Variants in PTGER4 observed in about 807,000 individuals in gnomAD.
PTGER4 encodes prostaglandin E2 receptor EP4 subtype.
A neutral mutation model predicts 33.2 loss-of-function variants in PTGER4; 11 were observed. The ratio of observed to expected loss-of-function variants is 0.33; its 90% CI spans 0.21 to 0.55. The LOEUF (loss-of-function observed/expected upper bound fraction) is 0.55. Among genes scored for constraint, PTGER4 ranks in the 20% least tolerant of loss-of-function variants. PTGER4 has a pLI of 0.92. For synonymous variants in PTGER4, 275 were observed against 281.5 expected, an observed-to-expected ratio of 0.98 and a Z score of 0.23; for missense variants, 481 against 650.2, an observed-to-expected ratio of 0.74 and a Z score of 2.83.
the PTGER4 span, among the ~76,000 whole-genome samples, chr5:40,713,309 A>C: frequency 1.3e-5 from 2 of 152,188 alleles, no homozygotes; most frequent in Non-Finnish European, 2.9e-5. Flanking sequence ...TGGGAAAGGC[A>C]GTGAAACAAG....
downstream of PTGER4, chr5:40,696,741 C>T (rs1741589511): frequency 6.2e-6 from 6 of 962,248 alleles, no homozygotes; most frequent in Non-Finnish European, 7.4e-6. Context: ...AGCAACTCTA[C>T]ACACTAAAAT....
chr5:40,732,288 A>AT, the PTGER4 span, among the ~76,000 whole-genome samples: 1 of 152,084 alleles, frequency 6.6e-6, no homozygotes, highest in Non-Finnish European at 1.5e-5. Flanking sequence ...AAGTGCTGAG[A>AT]TTACAGGGGT....
At position 40,691,834 on chromosome 5, in the gene PTGER4, A is replaced by C; in HGVS notation, c.923A>C (p.Lys308Thr). The C allele has an allele frequency of 4.3e-6, 7 of 1,614,220 alleles. No homozygotes were observed. Among genetic ancestry groups the C allele is most frequent in the Middle Eastern group, 1.6e-4 (1 of 6,062 alleles). ...CCAAGTTTGGAGCGAGAAGTCAGTAAAAATCCAGATTTGCAGGCCATCCGA... is the reference window on the plus strand; with the variant it reads ...CCAAGTTTGGAGCGAGAAGTCAGTACAAATCCAGATTTGCAGGCCATCCGA... ...YQPSLEREVS[K>T]NPDLQAIRIA... Residue 308 changes from lysine to threonine, a missense_variant, in exon 3 of 3, where the codon AAA (lysine) becomes ACA (threonine). This residue lies in a region of PTGER4 where 174 missense variants were observed against 210.5 expected (regional missense o/e 0.83). Transcript: ENST00000302472. The surrounding 1 kb of genome is among the most constrained non-coding windows in gnomAD (Gnocchi z 4.2).
Position 40,691,988 on chromosome 5 carries a change from C to T in PTGER4, c.1077C>T (p.Ser359=), listed in dbSNP as rs140849680. Residue 359 remains serine (S), a synonymous_variant, in exon 3 of 3, where the codon TCC becomes TCT. Transcript: ENST00000302472. The surrounding 1 kb of genome is among the most constrained non-coding windows in gnomAD (Gnocchi z 4.2). ...TTGGCGGGTCCCGCAGGGAGCGCTC[C>T]GGACAGCACTGCTCAGACAGTCAAA... ...CRIGGSRRER[S]GQHCSDSQRT... The T allele has an allele frequency of 4.8e-5, 78 of 1,614,164 alleles. No homozygotes were observed. The African/African-American group carries it at 6.8e-4, about 14-fold the overall frequency.
chr5:40,692,611 A>C lies in PTGER4; in HGVS notation c.*233A>C. The C allele has an allele frequency of 1.6e-6, 2 of 1,271,608 alleles. No homozygotes were observed. The highest frequency in any genetic ancestry group is 9.9e-7 in the Non-Finnish European group (1 of 1,007,208). The allele number at this position is 1,271,608 out of a possible 1,614,324, so 78.8% of individuals were successfully genotyped here. A position where few individuals can be genotyped will look rare whatever the true frequency, so the allele number is the denominator to read the frequency against. The stretch of plus-strand genomic sequence containing the variant: ...ACTATGACAGAGGATTGTGGTCACA[A>C]CTTGATGGCTGCGAAGACCTACCCT... On this transcript the variant is annotated 3_prime_UTR_variant, in exon 3 of 3. Coordinates refer to ENST00000302472, the MANE Select transcript of PTGER4 (RefSeq NM_000958.3).
At chr5:40,726,337 C>A in the PTGER4 span, among the ~76,000 whole-genome samples, 1 of 151,750 alleles carries the variant, frequency 6.6e-6, no homozygotes, top group African/African-American at 2.4e-5. Context: ...GTGCTATTTA[C>A]ATACATAATT....
At chr5:40,730,372 A>G in the PTGER4 span, 4 of 1,557,748 alleles carry the variant, frequency 2.6e-6, no homozygotes, top group Non-Finnish European at 3.5e-6. Flanking sequence ...TATCAATGCC[A>G]TATTTTCAAT....
the PTGER4 span, among the ~76,000 whole-genome samples, chr5:40,704,860 G>A: frequency 6.6e-6 from 1 of 152,224 alleles, no homozygotes; most frequent in South Asian, 2.1e-4. Context: ...TCATGCTCAT[G>A]GATAGGAAGA....
the PTGER4 span, among the ~76,000 whole-genome samples, chr5:40,726,043 C>T: frequency 6.6e-6 from 1 of 151,770 alleles, no homozygotes; most frequent in Non-Finnish European, 1.5e-5. Flanking sequence ...CCTCGGCCTC[C>T]CAAAGTGCTG....
At chr5:40,734,772 C>G in the PTGER4 span, among the ~76,000 whole-genome samples, 19 of 152,186 alleles carry the variant, frequency 1.2e-4, no homozygotes. Flanking sequence ...CAGCACCCAA[C>G]AAGATATAAA....
chr5:40,736,384 G>A, the PTGER4 span, among the ~76,000 whole-genome samples: 1 of 152,128 alleles, frequency 6.6e-6, no homozygotes, highest in African/African-American at 2.4e-5. Flanking sequence ...AGAACAAAAT[G>A]CATGGTAAAT....
the PTGER4 span, among the ~76,000 whole-genome samples, chr5:40,708,828 T>C: frequency 1.3e-5 from 2 of 152,162 alleles, no homozygotes; most frequent in African/African-American, 4.8e-5. Context: ...AAAAAGCTTA[T>C]CCACCATGAT....
the PTGER4 span, chr5:40,716,361 A>G: frequency 6.2e-7 from 1 of 1,614,178 alleles, no homozygotes; most frequent in Non-Finnish European, 8.5e-7. Context: ...GTGTTACTTC[A>G]GCTGGTGCTT....
Position 40,680,976 on chromosome 5 carries a change from G to GCACC in PTGER4, c.-17_-14dup, listed in dbSNP as rs765077277. ...ACCCAGCCTTGCACTCCAAGGCTGC[G>GCACC]CACCGCCAGCCACTATCATGTCCAC... On this transcript the variant is annotated 5_prime_UTR_variant, in exon 2 of 3. Coordinates refer to ENST00000302472, the MANE Select transcript of PTGER4 (RefSeq NM_000958.3). The surrounding 1 kb of genome is among the most constrained non-coding windows in gnomAD (Gnocchi z 5.5). The GCACC allele has an allele frequency of 6.3e-6, 10 of 1,590,832 alleles. No individual in the cohort carries two copies. In the South Asian group the frequency reaches 1.2e-4, roughly 18 times the overall value.
At chr5:40,733,067 A>G in the PTGER4 span, among the ~76,000 whole-genome samples, 2 of 152,206 alleles carry the variant, frequency 1.3e-5, no homozygotes, top group Non-Finnish European at 2.9e-5. Flanking sequence ...ATCCTAAGAC[A>G]AAAGTGGTAA....
At chr5:40,739,949 ATAAAG>A in the PTGER4 span, among the ~76,000 whole-genome samples, 2 of 152,128 alleles carry the variant, frequency 1.3e-5, no homozygotes, top group African/African-American at 4.8e-5. Context: ...TTTTTTAAAA[ATAAAG>A]TATTCAGCTT....
the PTGER4 span, among the ~76,000 whole-genome samples, chr5:40,724,685 TAAAC>T: frequency 2.6e-5 from 4 of 151,776 alleles, no homozygotes; most frequent in Admixed American, 6.6e-5. Context: ...ATAAAGCTCA[TAAAC>T]AAACTTTATT....
chr5:40,705,670 T>A, the PTGER4 span, among the ~76,000 whole-genome samples: 2 of 152,010 alleles, frequency 1.3e-5, no homozygotes, highest in African/African-American at 4.8e-5. Flanking sequence ...GCAAAGGACA[T>A]GAACAGACAC....
chr5:40,741,696 T>G, the PTGER4 span, among the ~76,000 whole-genome samples: 2 of 152,068 alleles, frequency 1.3e-5, no homozygotes, highest in African/African-American at 4.8e-5. Flanking sequence ...AGGTAGAAAT[T>G]AAGGGAGCTC....
Sources: allele counts gnomAD v4.1 joint callset (sites outside exome capture counted in the v4.1 genomes callset), GRCh38; gene constraint gnomAD v4.1.1; regional missense constraint gnomAD v4.1.1; non-coding constraint Gnocchi (gnomAD v3.1); transcripts MANE v1.5; gene names NCBI Gene and HGNC (gene_info 2026-07-23, HGNC 2026-07-21).